ATXN2: variants seen among roughly 807,000 people sequenced by gnomAD.
ATXN2 encodes ataxin 2.
ATXN2 carries 37 observed loss-of-function variants against 138.6 expected under a neutral mutation model. The ratio of observed to expected loss-of-function variants is 0.27; its 90% confidence interval spans 0.21 to 0.35. The LOEUF (loss-of-function observed/expected upper bound fraction) is 0.35. ATXN2 is among the 10% of genes least tolerant of loss of function. The probability of loss-of-function intolerance (pLI) is 1.00; values close to 1 mark genes in which losing one functional copy is unlikely to be tolerated. For missense variants in ATXN2, 1,216 were observed against 1,480.3 expected, an observed-to-expected ratio of 0.82 and a Z score of 2.93; for synonymous variants, 549 against 543.7, an observed-to-expected ratio of 1.01 and a Z score of -0.13.
At position 111,516,178 on chromosome 12, in the gene ATXN2, T is replaced by C. The variant is rs148911859; in HGVS notation, c.1351A>G (p.Met451Val). ...CCTTCTGAAGACATGCGTTTAGGCA[T>C]AGTAGAGACAGGAGCTGGAGAACCA... is the stretch of plus-strand genomic sequence containing the variant. ...AHGSPAPVSTMPKRMSSEGPP... is the reference protein window; with the variant it reads ...AHGSPAPVSTVPKRMSSEGPP... Residue 451 changes from methionine (M) to valine (V), a missense_variant, in exon 10 of 25, where the codon ATG (methionine) becomes GTG (valine). Met to Val is a conservative substitution (Grantham distance 21). Around this residue, in one of 4 missense-constraint regions of ATXN2, gnomAD observed 401 missense variants for 528.1 expected, o/e 0.76. Coordinates refer to ENST00000673436, the MANE Select transcript of ATXN2 (RefSeq NM_001372574.1). The surrounding 1 kb of genome is among the most constrained non-coding windows in gnomAD (Gnocchi z 5.0). The C allele has an allele frequency of 3.5e-5, 56 of 1,589,274 alleles. 1 individual carries two copies. In the South Asian group the frequency reaches 5.3e-4, roughly 15 times the overall value.
chr12:111,535,546 C>T (rs574666154), intron 5 of ATXN2, among the ~76,000 whole-genome samples: 58 of 152,030 alleles, frequency 3.8e-4, no homozygotes, highest in African/African-American at 1.3e-3. Flanking sequence ...CACTGGAACC[C>T]GGGAGGCAGA....
rs759339215 is a variant in ATXN2 at position 111,488,645 on chromosome 12, T to G, written c.2071A>C (p.Asn691His). 1.2e-6 allele frequency: 2 copies of G among 1,614,190 alleles called. No homozygotes were observed. Among genetic ancestry groups the G allele is most frequent in the Non-Finnish European group, 8.5e-7 (1 of 1,180,022 alleles). The change falls in exon 15 of 25, where the codon AAC (asparagine) becomes CAC (histidine). Residue 691 changes from asparagine to histidine, a missense_variant. By Grantham distance (68) the Asn-to-His change is moderately conservative (BLOSUM62 1). Around this residue, in one of 4 missense-constraint regions of ATXN2, gnomAD observed 490 missense variants for 653.5 expected, o/e 0.75. Transcript: ENST00000673436. ...GGCTTGCTGCTGCCACTGGTACAGT[T>G]GCTGCTGCTATTTTCAATGAAAGAA... ...KDSFIENSSSNCTSGSSKPNS... is the reference protein window; with the variant it reads ...KDSFIENSSSHCTSGSSKPNS...
At chr12:111,462,071 C>T (rs1446220642) in intron 21 of ATXN2, among the ~76,000 whole-genome samples, 2 of 152,126 alleles carry the variant, frequency 1.3e-5, no homozygotes, top group Admixed American at 6.5e-5. Flanking sequence ...CTCATTCTGG[C>T]TAAAGATCCC....
chr12:111,520,498 G>T (rs997353428), intron 7 of ATXN2, among the ~76,000 whole-genome samples: 1 of 151,922 alleles, frequency 6.6e-6, no homozygotes, highest in Admixed American at 6.6e-5. Context: ...TAAAAATACA[G>T]AAATTAGATG....
chr12:111,498,054 T>C (rs1878538959), intron 14 of ATXN2, among the ~76,000 whole-genome samples: 3 of 151,774 alleles, frequency 2.0e-5, no homozygotes, highest in Admixed American at 2.0e-4. Context: ...GAACTGGGTA[T>C]AGAAGGAATA....
intron 3 of ATXN2, among the ~76,000 whole-genome samples, chr12:111,553,521 G>A (rs1882225511): frequency 1.1e-5 from 1 of 87,170 alleles, no homozygotes; most frequent in Non-Finnish European, 2.1e-5. Flanking sequence ...ATAATGACAA[G>A]AAAAACGTCC....
chr12:111,470,363 C>A (rs1342688409), intron 19 of ATXN2, 123 bp from the exon 20 acceptor site: 2 of 1,299,048 alleles, frequency 1.5e-6, no homozygotes, highest in Non-Finnish European at 1.0e-6. Context: ...ACTCTCAAAT[C>A]TTTCTTGGCT....
intron 14 of ATXN2, among the ~76,000 whole-genome samples, chr12:111,505,773 A>G (rs752824842): frequency 6.7e-6 from 1 of 150,348 alleles, no homozygotes; most frequent in Non-Finnish European, 1.5e-5. Context: ...TATCTTGGCA[A>G]ATAGCTTGGT....
chr12:111,525,999 A>AATAT (rs1236791838), intron 5 of ATXN2, among the ~76,000 whole-genome samples: 1 of 151,678 alleles, frequency 6.6e-6, no homozygotes, highest in Non-Finnish European at 1.5e-5. Flanking sequence ...AGCATATTTT[A>AATAT]ATATATTGAC....
chr12:111,576,617 G>A (rs760797197), intron 1 of ATXN2, among the ~76,000 whole-genome samples: 3 of 151,788 alleles, frequency 2.0e-5, no homozygotes, highest in Non-Finnish European at 4.4e-5. Context: ...CTGAGTCACT[G>A]AGACTGTAGA....
chr12:111,516,212 G>A lies in ATXN2; in HGVS notation c.1317C>T (p.Pro439=). 1.3e-6 allele frequency: 2 copies of A among 1,578,458 alleles called. No individual in the cohort carries two copies. Among genetic ancestry groups the A allele is most frequent in the Non-Finnish European group, 8.6e-7 (1 of 1,168,522 alleles). The part of the protein sequence containing the change: ...PSRPSRPPSH[P]SAHGSPAPVS... Reference sequence around the variant, plus strand: ...CAGGAGCTGGAGAACCATGAGCAGAGGGGTGAGACGGGGGTCTGGATGGCC... The same window carrying A: ...CAGGAGCTGGAGAACCATGAGCAGAAGGGTGAGACGGGGGTCTGGATGGCC... Residue 439 remains proline, a synonymous_variant, in exon 10 of 25, where the codon CCC becomes CCT. Transcript: ENST00000673436. This position sits in a 1 kb window ranked among gnomAD's most constrained non-coding sequence, Gnocchi z 5.0.
Position 111,470,163 on chromosome 12 carries a change from T to C in ATXN2, c.2787A>G (p.Leu929=). The C allele has an allele frequency of 1.2e-6, 2 of 1,614,140 alleles. No individual in the cohort carries two copies. The highest frequency in any genetic ancestry group is 1.7e-6 in the Non-Finnish European group (2 of 1,180,002). ...CGTACTGAGTTGCTGAAGAAGATAC[T>C]AAACCAGGCTGGGCGTGTGTTGGTG... is the stretch of plus-strand genomic sequence containing the variant. ...MAPPTHAQPG[L]VSSSATQYGA... Residue 929 remains leucine (L), a synonymous_variant, in exon 20 of 25, where the codon TTA becomes TTG. Coordinates refer to ENST00000673436, the MANE Select transcript of ATXN2 (RefSeq NM_001372574.1).
At chr12:111,485,022 C>T (rs2135697862) in intron 18 of ATXN2, 1 of 375,344 alleles carries the variant, frequency 2.7e-6, no homozygotes, top group Non-Finnish European at 4.9e-6. Context: ...GCCATCACAC[C>T]AGGCCTCCAA....
Position 111,483,188 on chromosome 12 carries a change from AACACATACACACAC to A in ATXN2, c.2524+2063_2524+2076del, listed in dbSNP as rs770164669. Among the ~76,000 whole-genome samples, 686 of 119,004 alleles carry A rather than the reference AACACATACACACAC, an allele frequency of 5.8e-3. 2 individuals carry two copies. The highest frequency in any genetic ancestry group is 8.0e-3 in the Non-Finnish European group (464 of 58,272). 78.1% of individuals were successfully genotyped at this position (119,004 alleles called of 152,430 possible). A position where few individuals can be genotyped will look rare whatever the true frequency, so the allele number is the denominator to read the frequency against. On this transcript the variant is annotated intron_variant, in intron 18 of 24. Coordinates refer to ENST00000673436, the MANE Select transcript of ATXN2 (RefSeq NM_001372574.1). Reference sequence around the variant, plus strand: ...AGCAGCAAAGCAAGACCCTGTATCAAACACATACACACACACACACACACACACACACACACACA... The same window carrying A: ...AGCAGCAAAGCAAGACCCTGTATCAAACACACACACACACACACACACACA...
chr12:111,560,131 T>C (rs947812388), intron 1 of ATXN2, among the ~76,000 whole-genome samples: 3 of 152,204 alleles, frequency 2.0e-5, no homozygotes, highest in Admixed American at 2.0e-4. Flanking sequence ...TGGAGCAGTT[T>C]AGGCCCAAAG....
chr12:111,469,125 C>T (rs1876235009), intron 20 of ATXN2: 1 of 152,090 alleles, frequency 6.6e-6, no homozygotes, highest in Non-Finnish European at 1.5e-5. Flanking sequence ...ATGAAATGCC[C>T]ATGTAGTTAC....
At chr12:111,519,513 G>A (rs543710641) in intron 8 of ATXN2, among the ~76,000 whole-genome samples, 2 of 152,268 alleles carry the variant, frequency 1.3e-5, no homozygotes, top group South Asian at 4.1e-4. Context: ...TGACTCTACA[G>A]GTTATGCTAG....
At position 111,457,374 on chromosome 12, in the gene ATXN2, A is replaced by G. The variant is rs1380281863; in HGVS notation, c.2897-15T>C. The G allele has an allele frequency of 6.2e-7, 1 of 1,602,124 alleles. No homozygotes were observed. The highest frequency in any genetic ancestry group is 8.5e-7 in the Non-Finnish European group (1 of 1,173,918). On this transcript the variant is annotated splice_polypyrimidine_tract_variant and intron_variant, in intron 21 of 24. Coordinates refer to ENST00000673436, the MANE Select transcript of ATXN2 (RefSeq NM_001372574.1). ...GCCCGTGGAAACTAAAGTGAAAGAA[A>G]AAGGAGCATGTACACAACCGATGTC...
At chr12:111,506,549 T>C (rs1424559451) in intron 14 of ATXN2, among the ~76,000 whole-genome samples, 5 of 152,058 alleles carry the variant, frequency 3.3e-5, no homozygotes. Flanking sequence ...GGAGACTGAA[T>C]GATGTTAAAA....
Sources: allele counts gnomAD v4.1 joint callset (sites outside exome capture counted in the v4.1 genomes callset), GRCh38; gene constraint gnomAD v4.1.1; regional missense constraint gnomAD v4.1.1; non-coding constraint Gnocchi (gnomAD v3.1); transcripts MANE v1.5; gene names NCBI Gene and HGNC (gene_info 2026-07-23, HGNC 2026-07-21).